The following PDE10A variants were observed in gnomAD, a reference collection of about 807,000 sequenced individuals.
PDE10A encodes cAMP and cAMP-inhibited cGMP 3',5'-cyclic phosphodiesterase 10A.
A neutral mutation model predicts 97.7 loss-of-function variants in PDE10A; 39 were observed. The ratio of observed to expected loss-of-function variants is 0.40; its 90% CI spans 0.31 to 0.52. PDE10A has a LOEUF of 0.52. Ranked by LOEUF, PDE10A falls within the 20% of genes least tolerant of loss-of-function variation. The pLI, the probability that PDE10A is intolerant of heterozygous loss-of-function variation, is 0.56. For synonymous variants in PDE10A, 371 were observed against 376.8 expected (o/e 0.98, Z 0.18); for missense variants, 731 against 1,047.8 (o/e 0.70, Z 4.17).
intron 3 of PDE10A, among the ~76,000 whole-genome samples, chr6:165,457,595 T>G (rs761100317): frequency 1.6e-4 from 24 of 152,110 alleles, no homozygotes; most frequent in Admixed American, 3.3e-4. Flanking sequence ...CTACATCAGG[T>G]TCTGTCCAAC....
chr6:165,765,565 G>A (rs1393919127), intron 1 of PDE10A, among the ~76,000 whole-genome samples: 2 of 152,242 alleles, frequency 1.3e-5, no homozygotes, highest in South Asian at 2.1e-4. Flanking sequence ...GGCAGGGCCG[G>A]CTGGCTGCTC....
intron 1 of PDE10A, among the ~76,000 whole-genome samples, chr6:165,648,081 T>C (rs372911189): frequency 3.9e-5 from 6 of 152,182 alleles, no homozygotes; most frequent in Admixed American, 1.3e-4. Flanking sequence ...TGTGCAATCT[T>C]GGCTCACTGC....
intron 1 of PDE10A, among the ~76,000 whole-genome samples, chr6:165,830,316 G>A (rs535735850): frequency 6.6e-5 from 10 of 152,336 alleles, no homozygotes; most frequent in African/African-American, 2.2e-4. Context: ...CTTTGCGTGG[G>A]AGCTGCGCTA....
intron 7 of PDE10A, among the ~76,000 whole-genome samples, chr6:165,432,386 T>C (rs527616676): frequency 1.3e-5 from 2 of 152,128 alleles, no homozygotes; most frequent in African/African-American, 4.8e-5. Context: ...CTCAGTTAAG[T>C]AGCCTGTCAG....
intron 2 of PDE10A, among the ~76,000 whole-genome samples, chr6:165,530,267 ATATGTGTGTGTGTG>A (rs759995563): frequency 1.1e-4 from 6 of 56,872 alleles, no homozygotes; most frequent in Non-Finnish European, 2.8e-4. Context: ...TCCTCTTTAT[ATATGTGTGTGTGTG>A]TGTGTGTGTG....
chr6:165,734,337 C>T (rs1402456911), intron 1 of PDE10A, among the ~76,000 whole-genome samples: 1 of 152,052 alleles, frequency 6.6e-6, no homozygotes, highest in African/African-American at 2.4e-5. Flanking sequence ...ACATGCTTCT[C>T]ACAGAAAAAG....
At chr6:165,725,629 T>C (rs1792274104) in intron 1 of PDE10A, among the ~76,000 whole-genome samples, 1 of 130,516 alleles carries the variant, frequency 7.7e-6, no homozygotes, top group African/African-American at 2.7e-5. Context: ...CTGGATGTAC[T>C]GAACCTGTCT....
At chr6:165,444,652 T>C (rs1790710335) in intron 5 of PDE10A, among the ~76,000 whole-genome samples, 1 of 152,036 alleles carries the variant, frequency 6.6e-6, no homozygotes, top group African/African-American at 2.4e-5. Context: ...TATTTTATGT[T>C]TTAATTTTAG....
rs1264263507 is a variant in PDE10A at position 165,418,022 on chromosome 6, G to C, written c.1796+613C>G. Among the ~76,000 whole-genome samples, 1 of 152,120 alleles carries C rather than the reference G, an allele frequency of 6.6e-6. No individual in the cohort carries two copies. Among genetic ancestry groups the C allele is most frequent in the Non-Finnish European group, 1.5e-5 (1 of 68,030 alleles). ...GTTTTGTCAGAGTGCTCCTTGTGTA[G>C]GTTTCCAGGTGCGATATGAGCAAGC... On this transcript the variant is annotated intron_variant, in intron 11 of 21. Coordinates refer to ENST00000539869, the MANE Select transcript of PDE10A (RefSeq NM_001385079.1). The surrounding 1 kb of genome is among the most constrained non-coding windows in gnomAD (Gnocchi z 4.8).
At chr6:165,425,230 T>TA (rs902268775) in intron 10 of PDE10A, among the ~76,000 whole-genome samples, 5 of 151,968 alleles carry the variant, frequency 3.3e-5, no homozygotes, top group African/African-American at 7.2e-5. Flanking sequence ...AACAATTTTT[T>TA]AAAAAAAACT....
chr6:165,537,557 T>C (rs1783165566), intron 2 of PDE10A, among the ~76,000 whole-genome samples: 1 of 151,990 alleles, frequency 6.6e-6, no homozygotes, highest in Middle Eastern at 3.2e-3. Context: ...CATAATAATA[T>C]ATTCATAATT....
chr6:165,911,895 G>A (rs1189860636), intron 1 of PDE10A, among the ~76,000 whole-genome samples: 1 of 152,102 alleles, frequency 6.6e-6, no homozygotes, highest in Admixed American at 6.5e-5. Context: ...GGAAGTGTGC[G>A]TTTTCCTCTG....
chr6:165,964,491 A>G (rs1257087023), intron 1 of PDE10A, among the ~76,000 whole-genome samples: 1 of 152,228 alleles, frequency 6.6e-6, no homozygotes, highest in Non-Finnish European at 1.5e-5. Flanking sequence ...AATGGTCTGA[A>G]ATAGTCATCA....
At chr6:165,670,729 C>T (rs1790624595) in intron 1 of PDE10A, among the ~76,000 whole-genome samples, 1 of 152,112 alleles carries the variant, frequency 6.6e-6, no homozygotes, top group South Asian at 2.1e-4. Context: ...TCTGGGGAAA[C>T]TGGTCTAGTT....
At chr6:165,713,816 AG>A (rs1653798209) in intron 1 of PDE10A, among the ~76,000 whole-genome samples, 1 of 152,250 alleles carries the variant, frequency 6.6e-6, no homozygotes, top group Non-Finnish European at 1.5e-5. Flanking sequence ...AGGTCACAGA[AG>A]TTTGAAATGA....
At chr6:165,956,949 C>G (rs922134497) in intron 1 of PDE10A, among the ~76,000 whole-genome samples, 2 of 152,170 alleles carry the variant, frequency 1.3e-5, no homozygotes, top group Admixed American at 1.3e-4. Context: ...TGGGGCCAGC[C>G]CAGGGGTTGA....
chr6:165,664,798 T>C (rs1319783357), upstream of PDE10A, among the ~76,000 whole-genome samples: 7 of 152,356 alleles, frequency 4.6e-5, no homozygotes, highest in East Asian at 1.4e-3. Context: ...TCTCCTCAAG[T>C]GTTTATTGTT....
intron 19 of PDE10A, among the ~76,000 whole-genome samples, chr6:165,342,598 TG>T (rs1450905719): frequency 6.6e-6 from 1 of 152,268 alleles, no homozygotes; most frequent in Non-Finnish European, 1.5e-5. Context: ...TACATTCTTC[TG>T]TATGAATGAG....
intron 2 of PDE10A, among the ~76,000 whole-genome samples, chr6:165,495,252 T>C (rs1780469421): frequency 6.7e-6 from 1 of 149,858 alleles, no homozygotes. Flanking sequence ...AGCCACCCTG[T>C]AATAACAAGA....
Sources: allele counts gnomAD v4.1 joint callset (sites outside exome capture counted in the v4.1 genomes callset), GRCh38; gene constraint gnomAD v4.1.1; non-coding constraint Gnocchi (gnomAD v3.1); transcripts MANE v1.5; gene names NCBI Gene and HGNC (gene_info 2026-07-23, HGNC 2026-07-21).